The following FARP1 variants were observed in gnomAD, a reference collection of about 807,000 sequenced individuals.
FARP1 encodes FERM, ARH/RhoGEF and pleckstrin domain protein 1, also known as FERM, ARHGEF and pleckstrin domain-containing protein 1.
FARP1 carries 52 observed loss-of-function variants against 128.8 expected under a neutral mutation model. The ratio of observed to expected loss-of-function variants is 0.40; its 90% CI spans 0.32 to 0.51. The LOEUF is 0.51. FARP1 is among the 20% of genes least tolerant of loss of function. The probability of loss-of-function intolerance (pLI) is 0.45; values close to 1 mark genes in which losing one functional copy is unlikely to be tolerated. For synonymous variants in FARP1, 580 were observed against 551.8 expected, an observed-to-expected ratio of 1.05 and a Z score of -0.72; for missense variants, 1,333 against 1,367.9, an observed-to-expected ratio of 0.97 and a Z score of 0.40.
At chr13:98,248,075 G>T (rs1437986447) in intron 2 of FARP1, among the ~76,000 whole-genome samples, 1 of 152,110 alleles carries the variant, frequency 6.6e-6, no homozygotes, top group Non-Finnish European at 1.5e-5. Flanking sequence ...AGAGAGGCGG[G>T]TACCTCGGAC....
At chr13:98,232,290 A>G (rs1311265525) in intron 2 of FARP1, among the ~76,000 whole-genome samples, 1 of 151,772 alleles carries the variant, frequency 6.6e-6, no homozygotes, top group Admixed American at 6.6e-5. Flanking sequence ...TTTGAAGGAG[A>G]ACTGCTGGTA....
rs201529177 is a variant in FARP1, at chr13:98,439,983, G to C, written c.2456G>C (p.Trp819Ser). ...GMTIEESEDEWGVPHCLTLRG... is the reference protein window; with the variant it reads ...GMTIEESEDESGVPHCLTLRG... ...CAGATTGAGGAGAGCGAAGACGAGT[G>C]GGGGGTGCCCCACTGCCTGACCCTC... The change falls in exon 22 of 27, where the codon TGG (tryptophan) becomes TCG (serine). Residue 819 changes from tryptophan to serine, a missense_variant. Trp to Ser is a radical substitution (Grantham distance 177, BLOSUM62 -3). This residue lies in a region of FARP1 where 1,009 missense variants were observed against 969.8 expected (regional missense o/e 1.04). Transcript: ENST00000319562. 6 of 1,586,564 alleles carry C rather than the reference G, an allele frequency of 3.8e-6. No homozygotes were observed. The highest frequency in any genetic ancestry group is 3.4e-5 in the Admixed American group (2 of 58,248).
intron 13 of FARP1, among the ~76,000 whole-genome samples, chr13:98,407,683 G>A (rs1891035196): frequency 2.0e-5 from 3 of 152,134 alleles, no homozygotes; most frequent in Non-Finnish European, 4.4e-5. Flanking sequence ...TGCTATCCAA[G>A]GATCATTGCA....
At chr13:98,184,668 G>C (rs1878742968) in intron 1 of FARP1, among the ~76,000 whole-genome samples, 1 of 151,962 alleles carries the variant, frequency 6.6e-6, no homozygotes. Flanking sequence ...TCCGCCTTTG[G>C]TGATGGTGTA....
In FARP1 at chr13:98,453,453, G is replaced by A. The variant is rs972339416; in HGVS notation, c.*5136G>A. 12 of 508,904 alleles carry A rather than the reference G, an allele frequency of 2.4e-5. No homozygotes were observed. Among genetic ancestry groups the A allele is most frequent in the Non-Finnish European group, 4.1e-5 (12 of 290,874 alleles). 31.5% of individuals were successfully genotyped at this position (508,904 alleles called of 1,614,324 possible). On this transcript the variant is annotated 3_prime_UTR_variant, in exon 27 of 27. Transcript: ENST00000319562. ...AACCAAGAATGGGTTCAGCCTCCCTGGAGAGATGTGAATAAAACGGGAAAT... is the reference window on the plus strand; with the variant it reads ...AACCAAGAATGGGTTCAGCCTCCCTAGAGAGATGTGAATAAAACGGGAAAT...
At chr13:98,432,829 AG>A (rs1892091489) in intron 18 of FARP1, 1 of 149,704 alleles carries the variant, frequency 6.7e-6, no homozygotes, top group Non-Finnish European at 1.5e-5. Context: ...GACCCACTGG[AG>A]GGTCTGCAGG....
chr13:98,260,673 G>A (rs1883836031), intron 2 of FARP1, among the ~76,000 whole-genome samples: 2 of 152,336 alleles, frequency 1.3e-5, no homozygotes, highest in Middle Eastern at 3.4e-3. Context: ...GTTCCCTGAT[G>A]CTTTAGCTAG....
chr13:98,293,060 C>T (rs940621011), intron 2 of FARP1, among the ~76,000 whole-genome samples: 33 of 151,758 alleles, frequency 2.2e-4, no homozygotes, highest in African/African-American at 7.7e-4. Flanking sequence ...GAAAGTCCCC[C>T]GTTTGTGTCG....
intron 2 of FARP1, among the ~76,000 whole-genome samples, chr13:98,223,120 G>T (rs909951326): frequency 6.6e-6 from 1 of 152,192 alleles, no homozygotes; most frequent in African/African-American, 2.4e-5. Flanking sequence ...GACCTGACAG[G>T]GCGTGGCAGC....
intron 5 of FARP1, among the ~76,000 whole-genome samples, chr13:98,372,476 A>C (rs543626891): frequency 6.6e-6 from 1 of 152,106 alleles, no homozygotes; most frequent in South Asian, 2.1e-4. Context: ...CTCTCTGGGC[A>C]TCCCGTCTTC....
At chr13:98,359,404 A>G (rs1180267521) in intron 3 of FARP1, among the ~76,000 whole-genome samples, 1 of 152,202 alleles carries the variant, frequency 6.6e-6, no homozygotes, top group Non-Finnish European at 1.5e-5. Flanking sequence ...CAAACATTCC[A>G]GTTGCTTATG....
At chr13:98,228,731 C>T (rs1375772865) in intron 2 of FARP1, among the ~76,000 whole-genome samples, 4 of 152,094 alleles carry the variant, frequency 2.6e-5, no homozygotes, top group South Asian at 2.1e-4. Flanking sequence ...GATCCACTTA[C>T]GGGATCTTCT....
intron 1 of FARP1, among the ~76,000 whole-genome samples, chr13:98,199,485 T>C (rs1879798854): frequency 6.6e-6 from 1 of 152,186 alleles, no homozygotes; most frequent in Non-Finnish European, 1.5e-5. Context: ...TTGTTAATGG[T>C]GATGATCTCG....
intron 2 of FARP1, among the ~76,000 whole-genome samples, chr13:98,254,434 A>G (rs1044630849): frequency 2.6e-5 from 4 of 152,194 alleles, no homozygotes; most frequent in Admixed American, 2.0e-4. Context: ...ACTAGATAAC[A>G]CATGTAAAAT....
At position 98,311,345 on chromosome 13, in the gene FARP1, T is replaced by C. The variant is rs145975187; in HGVS notation, c.172-32417T>C. 3.0e-4 allele frequency among the ~76,000 whole-genome samples: 45 copies of C among 152,294 alleles called. No individual in the cohort carries two copies. The East Asian group carries it at 7.9e-3, about 27-fold the overall frequency. ...AGGTTTTTTTTGTTTGTTTGTTTCC[T>C]CTCCCAAAGGAAAGCAGTTGCCAAA... On this transcript the variant is annotated intron_variant, in intron 2 of 26. Coordinates refer to ENST00000319562, the MANE Select transcript of FARP1 (RefSeq NM_005766.4).
chr13:98,151,060 T>TTTTTTTTTTTTTTTTTTTTTTTTTTTGAG (rs1479150820), intron 1 of FARP1, among the ~76,000 whole-genome samples: 2 of 151,508 alleles, frequency 1.3e-5, no homozygotes, highest in East Asian at 3.9e-4. Context: ...TCACAGGTCT[T>TTTTTTTTTTTTTTTTTTTTTTTTTTTGAG]AAACGGTGTG....
chr13:98,181,689 C>G (rs925433783), intron 1 of FARP1, among the ~76,000 whole-genome samples: 5 of 150,186 alleles, frequency 3.3e-5, no homozygotes, highest in African/African-American at 1.2e-4. Context: ...GGGTGTGTGG[C>G]GCAATCACAG....
rs57099745 is a variant in FARP1 at position 98,412,062 on chromosome 13, G to A, written c.1826+28G>A. ...GAGTACATTTCTACTTCCCAGCTACGTTCCTCCCTCCGTCTTGCTTGTGTT... is the reference window on the plus strand; with the variant it reads ...GAGTACATTTCTACTTCCCAGCTACATTCCTCCCTCCGTCTTGCTTGTGTT... On this transcript the variant is annotated intron_variant, in intron 16 of 26. Coordinates refer to ENST00000319562, the MANE Select transcript of FARP1 (RefSeq NM_005766.4). The A allele has an allele frequency of 6.1e-3, 9,862 of 1,606,616 alleles. 554 individuals are homozygous for A. The African/African-American group carries it at 0.11, about 19-fold the overall frequency.
At chr13:98,362,927 G>A (rs602340) in intron 3 of FARP1, among the ~76,000 whole-genome samples, 2 of 151,990 alleles carry the variant, frequency 1.3e-5, no homozygotes, top group African/African-American at 4.8e-5. Context: ...TGGTTGTTAC[G>A]TCTTCAGTTG....
Sources: allele counts gnomAD v4.1 joint callset (sites outside exome capture counted in the v4.1 genomes callset), GRCh38; gene constraint gnomAD v4.1.1; regional missense constraint gnomAD v4.1.1; transcripts MANE v1.5; gene names NCBI Gene and HGNC (gene_info 2026-07-23, HGNC 2026-07-21).